ZFP2: variants seen among roughly 807,000 people sequenced by gnomAD.
ZFP2 encodes the protein ZFP2 zinc finger protein, also known as zinc finger protein ZFP2.
Under a neutral mutation model 36.1 loss-of-function variants are expected in ZFP2, and 33 were observed. The ratio of observed to expected loss-of-function variants is 0.92; its 90% CI spans 0.69 to 1.22. The LOEUF (loss-of-function observed/expected upper bound fraction) is 1.22, where lower values mean the gene tolerates loss of function less well. Ranked by LOEUF, ZFP2 falls within the 50% of genes most tolerant of loss-of-function variation. ZFP2 has a pLI of 0.00. For synonymous variants in ZFP2, 170 were observed against 178.0 expected, an observed-to-expected ratio of 0.96 and a Z score of 0.36; for missense variants, 522 against 551.4, an observed-to-expected ratio of 0.95 and a Z score of 0.53.
intron 4 of ZFP2, among the ~76,000 whole-genome samples, chr5:178,919,464 T>C (rs1276520898): frequency 6.6e-6 from 1 of 152,242 alleles, no homozygotes; most frequent in Non-Finnish European, 1.5e-5. Context: ...TTATTTCACC[T>C]TCATTCCTGA....
chr5:178,927,230 T>C (rs1758693844), intron 4 of ZFP2, among the ~76,000 whole-genome samples: 2 of 152,194 alleles, frequency 1.3e-5, no homozygotes, highest in Non-Finnish European at 1.5e-5. Flanking sequence ...AGTTCTCATC[T>C]TTAAGGAATG....
rs761691443 is a variant in ZFP2 at position 178,931,355 on chromosome 5, C to T, written c.42C>T (p.Thr14=). 2 of 1,612,844 alleles carry T rather than the reference C, an allele frequency of 1.2e-6. No homozygotes were observed. The highest frequency in any genetic ancestry group is 1.1e-5 in the South Asian group (1 of 90,808). ...EGIWHSTLGE[T]WEPNNWLEGQ... is the part of the protein sequence containing the mutation. ...TCTGGCATTCTACTCTAGGGGAAAC[C>T]TGGGAACCTAATAATTGGTTAGAGG... Residue 14 remains threonine, a synonymous_variant, in exon 5 of 5, where the codon ACC becomes ACT. Transcript: ENST00000361362.
At chr5:178,926,230 T>C (rs1273441914) in intron 4 of ZFP2, among the ~76,000 whole-genome samples, 1 of 149,808 alleles carries the variant, frequency 6.7e-6, no homozygotes, top group African/African-American at 2.4e-5. Context: ...TTGGTCTTTA[T>C]ACTTCTTTTT....
intron 4 of ZFP2, chr5:178,922,376 C>T: frequency 8.9e-7 from 1 of 1,127,110 alleles, no homozygotes; most frequent in South Asian, 1.2e-5. Context: ...TGGAGCACCA[C>T]TAATAGAGTT....
At chr5:178,924,395 T>C (rs1758623899) in intron 4 of ZFP2, among the ~76,000 whole-genome samples, 1 of 144,902 alleles carries the variant, frequency 6.9e-6, no homozygotes, top group Non-Finnish European at 1.5e-5. Flanking sequence ...AAAAGAAACC[T>C]GCCCAAGGTC....
intron 1 of ZFP2, among the ~76,000 whole-genome samples, chr5:178,904,421 GC>G (rs1758124327): frequency 6.6e-6 from 1 of 152,210 alleles, no homozygotes; most frequent in South Asian, 2.1e-4. Flanking sequence ...CAGAGGAGTG[GC>G]CCCTCTCAGG....
intron 1 of ZFP2, among the ~76,000 whole-genome samples, chr5:178,904,943 T>G (rs1758138428): frequency 6.6e-6 from 1 of 152,096 alleles, no homozygotes; most frequent in African/African-American, 2.4e-5. Context: ...CCTCGTGATC[T>G]GCCTGCCTCA....
intron 1 of ZFP2, among the ~76,000 whole-genome samples, chr5:178,907,015 G>A (rs1306328926): frequency 6.6e-6 from 1 of 152,036 alleles, no homozygotes; most frequent in Admixed American, 6.6e-5. Context: ...AAAATAACAG[G>A]AGGATCCTCT....
chr5:178,930,814 T>A (rs1161672707), intron 4 of ZFP2, among the ~76,000 whole-genome samples: 1 of 152,122 alleles, frequency 6.6e-6, no homozygotes, highest in East Asian at 1.9e-4. Context: ...GGTGGCCTCG[T>A]AGGAGGAAAG....
chr5:178,914,658 G>C (rs962874209), intron 3 of ZFP2, among the ~76,000 whole-genome samples: 3 of 151,638 alleles, frequency 2.0e-5, no homozygotes, highest in Admixed American at 1.3e-4. Context: ...GAAGAAGGGA[G>C]GGGGGGACAG....
intron 4 of ZFP2, among the ~76,000 whole-genome samples, chr5:178,920,961 A>G (rs773179646): frequency 2.6e-5 from 4 of 152,298 alleles, no homozygotes; most frequent in Non-Finnish European, 5.9e-5. Context: ...GAAAATGTTG[A>G]TATTTCTGTG....
rs752744930 is a variant in ZFP2, at chr5:178,932,711, A to C, written c.*12A>C. On this transcript the variant is annotated 3_prime_UTR_variant, in exon 5 of 5. Coordinates refer to ENST00000361362, the MANE Select transcript of ZFP2 (RefSeq NM_030613.4). ...GAACTCATACGTGAGGAATGTTTTC[A>C]CTGGCCCTTACCTCATGATTAACTC... 6.4e-7 allele frequency: 1 copy of C among 1,572,434 alleles called. No individual in the cohort carries two copies.
chr5:178,931,107 G>A (rs891605079), intron 4 of ZFP2, 130 bp from the exon 5 acceptor site: 3 of 1,043,876 alleles, frequency 2.9e-6, no homozygotes, highest in African/African-American at 3.3e-5. Flanking sequence ...GTACATGTTT[G>A]AAAGCTCTCA....
intron 1 of ZFP2, among the ~76,000 whole-genome samples, chr5:178,904,741 C>G (rs1374219172): frequency 9.0e-6 from 1 of 110,888 alleles, no homozygotes; most frequent in East Asian, 2.9e-4. Flanking sequence ...CTTGCTCTGT[C>G]TCCCAGGCTG....
rs115756182 is a variant in ZFP2, at chr5:178,906,704, C to A, written c.-449-5880C>A. Among the ~76,000 whole-genome samples, 1,375 of 152,034 alleles carry A rather than the reference C, an allele frequency of 9.0e-3. 18 individuals are homozygous for A. Among genetic ancestry groups the A allele is most frequent in the African/African-American group, 0.032 (1,324 of 41,450 alleles). On this transcript the variant is annotated intron_variant, in intron 1 of 4. Transcript: ENST00000361362. ...CCAAATAGCTGGGACTACAGGTACA[C>A]GCCACTGTGTCTGGCTAATTTTTTT...
chr5:178,925,380 C>G (rs964337569), intron 4 of ZFP2, among the ~76,000 whole-genome samples: 1 of 148,726 alleles, frequency 6.7e-6, no homozygotes, highest in African/African-American at 2.4e-5. Context: ...CACACTGTTG[C>G]AAGGTGGAGT....
chr5:178,909,470 C>T (rs564879462), intron 1 of ZFP2, among the ~76,000 whole-genome samples: 1 of 152,316 alleles, frequency 6.6e-6, no homozygotes, highest in African/African-American at 2.4e-5. Flanking sequence ...GGGGCCTTTG[C>T]AGCCTCCATA....
intron 4 of ZFP2, among the ~76,000 whole-genome samples, chr5:178,920,491 G>T (rs1051393998): frequency 6.6e-6 from 1 of 152,064 alleles, no homozygotes; most frequent in Admixed American, 6.6e-5. Flanking sequence ...ACAAAAATTA[G>T]CCGGGCATGG....
intron 1 of ZFP2, among the ~76,000 whole-genome samples, chr5:178,910,926 G>A (rs1019241143): frequency 3.9e-5 from 6 of 152,128 alleles, no homozygotes; most frequent in African/African-American, 1.4e-4. Flanking sequence ...GGGAAAAAAG[G>A]TTCCTTTTAA....
Sources: gnomAD v4.1 joint callset for allele counts (sites outside exome capture counted in the v4.1 genomes callset) on GRCh38, gnomAD v4.1.1 for gene constraint, MANE v1.5 for transcripts, NCBI Gene and HGNC (gene_info 2026-07-23, HGNC 2026-07-21) for gene names.